The following PKP4 variants were observed in gnomAD, a reference collection of about 807,000 sequenced individuals.
The protein encoded by PKP4 is plakophilin-4.
Under a neutral mutation model 145.1 loss-of-function variants are expected in PKP4, and 90 were observed. The ratio of observed to expected loss-of-function variants is 0.62; its 90% CI spans 0.52 to 0.74. The LOEUF is 0.74. Ranked by LOEUF, PKP4 falls within the 30% of genes least tolerant of loss-of-function variation. The pLI is 0.00. For synonymous variants in PKP4, 563 were observed against 577.2 expected, an observed-to-expected ratio of 0.98 and a Z score of 0.35; for missense variants, 1,340 against 1,482.7, an observed-to-expected ratio of 0.90 and a Z score of 1.58.
intron 17 of PKP4, among the ~76,000 whole-genome samples, chr2:158,671,128 A>G (rs879785321): frequency 2.6e-5 from 4 of 152,128 alleles, no homozygotes; most frequent in Non-Finnish European, 4.4e-5. Flanking sequence ...TATCCTTGGC[A>G]TCTAGAATAA....
In PKP4 at chr2:158,519,934, C is replaced by T. The variant is rs559295169; in HGVS notation, c.-5-13246C>T. Among the ~76,000 whole-genome samples the T allele has an allele frequency of 1.1e-4, 16 of 152,054 alleles. No homozygotes were observed. In the South Asian group the frequency reaches 2.7e-3, roughly 26 times the overall value. On this transcript the variant is annotated intron_variant, in intron 1 of 21. Coordinates refer to ENST00000389759, the MANE Select transcript of PKP4 (RefSeq NM_003628.6). The stretch of plus-strand genomic sequence containing the variant: ...TCTGAATTTGTCATGATTTTCATTT[C>T]GTCTCCTCCTAGCATCTATGGTGCT...
At chr2:158,662,830 TCAGTA>T in intron 13 of PKP4, 62 bp from the exon 14 acceptor site, 2 of 1,218,612 alleles carry the variant, frequency 1.6e-6, no homozygotes, top group Admixed American at 4.5e-5. Flanking sequence ...TCTGTAGTGT[TCAGTA>T]CAGAAGTGTT....
intron 4 of PKP4, among the ~76,000 whole-genome samples, chr2:158,613,920 G>C (rs2051355532): frequency 6.6e-6 from 1 of 152,146 alleles, no homozygotes; most frequent in Middle Eastern, 3.2e-3. Flanking sequence ...GTGTATTGCT[G>C]CAGTTTCCTC....
At chr2:158,573,921 G>T (rs1459243271) in intron 2 of PKP4, among the ~76,000 whole-genome samples, 2 of 152,380 alleles carry the variant, frequency 1.3e-5, no homozygotes, top group East Asian at 3.9e-4. Context: ...ACTGTCTGCA[G>T]CCGAGACACC....
At position 158,621,079 on chromosome 2, in the gene PKP4, A is replaced by G. The variant is rs138891615; in HGVS notation, c.370A>G (p.Thr124Ala). The G allele has an allele frequency of 3.7e-6, 6 of 1,614,130 alleles. No homozygotes were observed. The highest frequency in any genetic ancestry group is 1.6e-4 in the Middle Eastern group (1 of 6,062). Residue 124 changes from threonine to alanine, a missense_variant, in exon 5 of 22, where the codon ACC becomes GCC. Transcript: ENST00000389759. ...CATCAGGACAGAGCCAGAACAAGGA[A>G]CCCTCTATTCACCAGAACAGACATC... Reference protein sequence around the residue: ...YLIRTEPEQGTLYSPEQTSLH... With the variant: ...YLIRTEPEQGALYSPEQTSLH...
At chr2:158,657,476 G>A (rs371571833) in intron 11 of PKP4, among the ~76,000 whole-genome samples, 5 of 152,124 alleles carry the variant, frequency 3.3e-5, no homozygotes, top group Admixed American at 6.6e-5. Flanking sequence ...TGACAGTAAC[G>A]TGTGTTTCTA....
At chr2:158,587,573 G>A (rs1454456529) in intron 3 of PKP4, among the ~76,000 whole-genome samples, 1 of 151,908 alleles carries the variant, frequency 6.6e-6, no homozygotes, top group Non-Finnish European at 1.5e-5. Flanking sequence ...TCTCATAAAA[G>A]CAACAATGCT....
chr2:158,495,417 A>G (rs983946874), intron 1 of PKP4, among the ~76,000 whole-genome samples: 2 of 151,926 alleles, frequency 1.3e-5, no homozygotes, highest in Non-Finnish European at 2.9e-5. Flanking sequence ...GTGCTATATA[A>G]GGAAATAATC....
At chr2:158,559,645 A>T (rs1242107051) in intron 2 of PKP4, among the ~76,000 whole-genome samples, 2 of 152,182 alleles carry the variant, frequency 1.3e-5, no homozygotes, top group Non-Finnish European at 2.9e-5. Context: ...TTTCCTGTGT[A>T]TTAACTGGAG....
In PKP4 at chr2:158,664,246, G is replaced by A. The variant is rs1575064882; in HGVS notation, c.2577+801G>A. On this transcript the variant is annotated intron_variant, in intron 15 of 21. Transcript: ENST00000389759. ...GAGTGGCAGGACAGAACACAGGTTG[G>A]GCAGCACTGTGGGGAGGGATAGAGG... Among the ~76,000 whole-genome samples the A allele has an allele frequency of 2.6e-5, 4 of 152,304 alleles. No individual in the cohort carries two copies. In the South Asian group the frequency reaches 8.3e-4, roughly 32 times the overall value.
chr2:158,484,315 G>A (rs1232620575), intron 1 of PKP4, among the ~76,000 whole-genome samples: 16 of 152,120 alleles, frequency 1.1e-4, no homozygotes, highest in Non-Finnish European at 2.4e-4. Flanking sequence ...CCAAAGTGCT[G>A]GGATTACAGG....
chr2:158,604,714 G>A lies in PKP4; in HGVS notation c.280+1610G>A, dbSNP rs115882475. 8.8e-3 allele frequency among the ~76,000 whole-genome samples: 1,347 copies of A among 152,278 alleles called. 22 individuals are homozygous for A. Among genetic ancestry groups the A allele is most frequent in the African/African-American group, 0.031 (1,286 of 41,540 alleles). Reference sequence around the variant, plus strand: ...CCACAGTGTGAGATGTGTTGGATTTGAGATGATTAAAGGGCAGCAAGTGAC... The same window carrying A: ...CCACAGTGTGAGATGTGTTGGATTTAAGATGATTAAAGGGCAGCAAGTGAC... On this transcript the variant is annotated intron_variant, in intron 4 of 21. Coordinates refer to ENST00000389759, the MANE Select transcript of PKP4 (RefSeq NM_003628.6).
At chr2:158,470,425 A>T (rs1412070148) in intron 1 of PKP4, among the ~76,000 whole-genome samples, 1 of 152,178 alleles carries the variant, frequency 6.6e-6, no homozygotes, top group Admixed American at 6.5e-5. Context: ...CTAGGTTCAC[A>T]TCTTCAAAGT....
chr2:158,570,336 A>G (rs1559338534), intron 2 of PKP4, among the ~76,000 whole-genome samples: 1 of 152,244 alleles, frequency 6.6e-6, no homozygotes, highest in Non-Finnish European at 1.5e-5. Flanking sequence ...AGATATGATC[A>G]TGACCATAAT....
intron 3 of PKP4, among the ~76,000 whole-genome samples, chr2:158,598,177 A>T (rs2049924436): frequency 6.6e-6 from 1 of 152,174 alleles, no homozygotes; most frequent in Non-Finnish European, 1.5e-5. Context: ...TTCTGATTTC[A>T]GGCTAAGAAC....
chr2:158,587,181 A>G (rs554490934), intron 3 of PKP4, among the ~76,000 whole-genome samples: 50 of 152,294 alleles, frequency 3.3e-4, no homozygotes, highest in Non-Finnish European at 5.7e-4. Context: ...CTATTTTAAT[A>G]TATGTGGTTA....
chr2:158,597,204 C>T (rs913693578), intron 3 of PKP4, among the ~76,000 whole-genome samples: 1 of 152,214 alleles, frequency 6.6e-6, no homozygotes, highest in African/African-American at 2.4e-5. Flanking sequence ...TGAATCCATA[C>T]GATATATGCA....
Position 158,544,108 on chromosome 2 carries a change from C to G in PKP4, c.132+10792C>G, listed in dbSNP as rs540571843. Reference sequence around the variant, plus strand: ...CCCTAGTCCACCACCACTCACAGAGCTTGTGCTCTTGCCAGGGCTTACTAG... The same window carrying G: ...CCCTAGTCCACCACCACTCACAGAGGTTGTGCTCTTGCCAGGGCTTACTAG... On this transcript the variant is annotated intron_variant, in intron 2 of 21. Transcript: ENST00000389759. Among the ~76,000 whole-genome samples, 10 of 152,316 alleles carry G rather than the reference C, an allele frequency of 6.6e-5. No homozygotes were observed. In the East Asian group the frequency reaches 1.2e-3, roughly 18 times the overall value.
At chr2:158,509,500 T>C (rs959276104) in intron 1 of PKP4, among the ~76,000 whole-genome samples, 3 of 152,216 alleles carry the variant, frequency 2.0e-5, no homozygotes, top group Non-Finnish European at 4.4e-5. Flanking sequence ...TTCAGTATAT[T>C]GAGACATAAG....
Sources: gnomAD v4.1 joint callset for allele counts (sites outside exome capture counted in the v4.1 genomes callset) on GRCh38, gnomAD v4.1.1 for gene constraint, MANE v1.5 for transcripts, NCBI Gene and HGNC (gene_info 2026-07-23, HGNC 2026-07-21) for gene names.